Variants in CCNT2 observed in about 807,000 individuals in gnomAD.
CCNT2 encodes the protein cyclin-T2.
Under a neutral mutation model 70.0 loss-of-function variants are expected in CCNT2, and 18 were observed. The ratio of observed to expected loss-of-function variants is 0.26; its 90% CI spans 0.18 to 0.38. The LOEUF (loss-of-function observed/expected upper bound fraction) is 0.38, where lower values mean the gene tolerates loss of function less well. Among genes scored for constraint, CCNT2 ranks in the 10% least tolerant of loss-of-function variants. CCNT2 has a pLI of 1.00. For missense variants in CCNT2, 734 were observed against 890.2 expected (o/e 0.82, Z 2.23); for synonymous variants, 334 against 313.3 (o/e 1.07, Z -0.70).
intron 2 of CCNT2, among the ~76,000 whole-genome samples, chr2:134,933,677 T>C (rs1680945732): frequency 6.6e-6 from 1 of 152,214 alleles, no homozygotes; most frequent in South Asian, 2.1e-4. Context: ...TAAGTTTACC[T>C]GTGAAAGGAA....
chr2:134,938,750 A>G (rs143404782), intron 3 of CCNT2, among the ~76,000 whole-genome samples: 4 of 152,152 alleles, frequency 2.6e-5, no homozygotes, highest in South Asian at 2.1e-4. Context: ...CCTTATTTCA[A>G]TTAACTTACC....
chr2:134,935,920 T>G (rs1217512616), intron 2 of CCNT2, among the ~76,000 whole-genome samples: 3 of 152,150 alleles, frequency 2.0e-5, no homozygotes, highest in Non-Finnish European at 4.4e-5. Flanking sequence ...ATTGCTATAG[T>G]TAAGTAATAG....
intron 2 of CCNT2, among the ~76,000 whole-genome samples, chr2:134,925,125 TTG>T: frequency 6.6e-6 from 1 of 152,206 alleles, no homozygotes; most frequent in East Asian, 1.9e-4. Flanking sequence ...TAAAGTCTGG[TTG>T]TCTCTCTTTG....
rs77878361 is a variant in CCNT2, at chr2:134,922,925, C to G, written c.240+3034C>G. Among the ~76,000 whole-genome samples, 383 of 152,248 alleles carry G rather than the reference C, an allele frequency of 2.5e-3. 1 individual carries two copies. The highest frequency in any genetic ancestry group is 8.7e-3 in the African/African-American group (362 of 41,540). ...ATTTGATCTTTTCCATCTTCTCTTA[C>G]TTCCATTGCCTCTTTCTTGAGCTCT... On this transcript the variant is annotated intron_variant, in intron 2 of 8. Coordinates refer to ENST00000264157, the MANE Select transcript of CCNT2 (RefSeq NM_058241.3).
At chr2:134,929,295 T>C (rs1274746102) in intron 2 of CCNT2, among the ~76,000 whole-genome samples, 1 of 152,094 alleles carries the variant, frequency 6.6e-6, no homozygotes, top group Non-Finnish European at 1.5e-5. Context: ...CTTTTGTTAG[T>C]GCATGCACAC....
intron 2 of CCNT2, among the ~76,000 whole-genome samples, chr2:134,933,818 AG>A (rs1397285392): frequency 6.6e-6 from 1 of 152,252 alleles, no homozygotes; most frequent in Non-Finnish European, 1.5e-5. Context: ...TCATATTACT[AG>A]GGAGCACTAT....
rs376220071 is a variant in CCNT2 at position 134,954,291 on chromosome 2, T to C, written c.1836T>C (p.Ser612=). Residue 612 remains serine (S), a synonymous_variant, in exon 9 of 9, where the codon TCT becomes TCC. Coordinates refer to ENST00000264157, the MANE Select transcript of CCNT2 (RefSeq NM_058241.3). ...PVGLSSDGIS[S]SSSSSRKRLH... is the part of the protein sequence containing the mutation. ...GCCTGAGCAGTGATGGCATTTCCTCTAGCTCCAGCTCTTCAAGGAAGAGGC... is the reference window on the plus strand; with the variant it reads ...GCCTGAGCAGTGATGGCATTTCCTCCAGCTCCAGCTCTTCAAGGAAGAGGC... 2 of 1,614,110 alleles carry C rather than the reference T, an allele frequency of 1.2e-6. No homozygotes were observed. Among genetic ancestry groups the C allele is most frequent in the East Asian group, 2.2e-5 (1 of 44,884 alleles).
chr2:134,953,669 C>T lies in CCNT2; in HGVS notation c.1214C>T (p.Ser405Phe). The T allele has an allele frequency of 6.2e-7, 1 of 1,613,980 alleles. No individual in the cohort carries two copies. The highest frequency in any genetic ancestry group is 2.2e-5 in the East Asian group (1 of 44,886). Reference protein sequence around the residue: ...HRPDKISDHSSVKQEYTHKAG... With the variant: ...HRPDKISDHSFVKQEYTHKAG... ...CCTGACAAAATTTCAGATCATTCTT[C>T]TGTTAAGCAAGAATATACTCATAAA... The change falls in exon 9 of 9, where the codon TCT becomes TTT. Residue 405 changes from serine to phenylalanine, a missense_variant. Physicochemically the swap from Ser to Phe is radical, Grantham distance 155. Coordinates refer to ENST00000264157, the MANE Select transcript of CCNT2 (RefSeq NM_058241.3).
Position 134,956,481 on chromosome 2 carries a change from A to C in CCNT2, c.*1833A>C, listed in dbSNP as rs1425059222. ...CTGTATGGCATAATATTGTATCCAT[A>C]AACATGGTAATTTTGATACAGTTAT... On this transcript the variant is annotated 3_prime_UTR_variant, in exon 9 of 9. Coordinates refer to ENST00000264157, the MANE Select transcript of CCNT2 (RefSeq NM_058241.3). 6.6e-6 allele frequency: 1 copy of C among 152,402 alleles called. No homozygotes were observed. Among genetic ancestry groups the C allele is most frequent in the Non-Finnish European group, 1.5e-5 (1 of 68,002 alleles). 9.4% of individuals were successfully genotyped at this position (152,402 alleles called of 1,614,324 possible). A position where few individuals can be genotyped will look rare whatever the true frequency, so the allele number is the denominator to read the frequency against.
intron 4 of CCNT2, 45 bp downstream of exon 4, chr2:134,939,107 A>G (rs1184409111): frequency 1.7e-6 from 2 of 1,176,648 alleles, no homozygotes; most frequent in Non-Finnish European, 2.5e-6. Context: ...GTATTTCACT[A>G]AAGCATTCTA....
Position 134,953,689 on chromosome 2 carries a change from C to G in CCNT2, c.1234C>G (p.His412Asp), listed in dbSNP as rs1682703417. The G allele has an allele frequency of 1.9e-6, 3 of 1,613,700 alleles. No individual in the cohort carries two copies. The highest frequency in any genetic ancestry group is 3.3e-5 in the Admixed American group (2 of 60,018). Residue 412 changes from histidine (H) to aspartate (D), a missense_variant, in exon 9 of 9, where the codon CAT becomes GAT. By Grantham distance (81) the His-to-Asp change is moderately conservative. Transcript: ENST00000264157. ...TTCTTCTGTTAAGCAAGAATATACT[C>G]ATAAAGCAGGGAGCAGTAAACACCA... is the stretch of plus-strand genomic sequence containing the variant. ...DHSSVKQEYT[H>D]KAGSSKHHGP...
chr2:134,942,779 A>G, intron 5 of CCNT2, 105 bp downstream of exon 5: 1 of 1,402,980 alleles, frequency 7.1e-7, no homozygotes, highest in Non-Finnish European at 9.5e-7. Flanking sequence ...GGTTTCATTA[A>G]AATTAGGGAG....
intron 3 of CCNT2, among the ~76,000 whole-genome samples, 155 bp downstream of exon 3, chr2:134,937,124 AG>A: frequency 6.6e-6 from 1 of 152,256 alleles, no homozygotes; most frequent in Non-Finnish European, 1.5e-5. Context: ...GCAGTCTGGC[AG>A]AAAAACATAT....
chr2:134,939,146 GTAT>G, intron 4 of CCNT2, 84 bp downstream of exon 4: 1 of 970,968 alleles, frequency 1.0e-6, no homozygotes, highest in Non-Finnish European at 1.6e-6. Context: ...TGAAATAATT[GTAT>G]TATTGAAGAA....
At chr2:134,924,368 A>G (rs982701745) in intron 2 of CCNT2, among the ~76,000 whole-genome samples, 2 of 152,224 alleles carry the variant, frequency 1.3e-5, no homozygotes, top group Non-Finnish European at 2.9e-5. Context: ...CCAAGTCAAG[A>G]AATAGAACTT....
intron 2 of CCNT2, among the ~76,000 whole-genome samples, chr2:134,932,247 C>A (rs1049285089): frequency 6.6e-6 from 1 of 152,086 alleles, no homozygotes; most frequent in Non-Finnish European, 1.5e-5. Flanking sequence ...GTGATCCGCC[C>A]GTCTTGGCAT....
chr2:134,923,292 A>T (rs1680050753), intron 2 of CCNT2, among the ~76,000 whole-genome samples: 1 of 152,102 alleles, frequency 6.6e-6, no homozygotes, highest in South Asian at 2.1e-4. Flanking sequence ...AAAAACAATA[A>T]TAATAATAAT....
In CCNT2 at chr2:134,919,028, C is replaced by T. The variant is rs752483521; in HGVS notation, c.158+16C>T. ...GTCTCAATGTGTATCCTTTTCTGTT[C>T]GCCGCCGCTCACGCCCTGTTTCCCT... On this transcript the variant is annotated intron_variant, in intron 1 of 8. Transcript: ENST00000264157. 5.7e-6 allele frequency: 9 copies of T among 1,584,704 alleles called. No homozygotes were observed. In the Admixed American group the frequency reaches 8.6e-5, roughly 15 times the overall value.
At chr2:134,939,407 C>T (rs184466848) in intron 4 of CCNT2, among the ~76,000 whole-genome samples, 187 of 152,182 alleles carry the variant, frequency 1.2e-3, no homozygotes, top group African/African-American at 4.4e-3. Flanking sequence ...AATCCTTATT[C>T]TCCTCGAGCT....
Sources: allele counts gnomAD v4.1 joint callset (sites outside exome capture counted in the v4.1 genomes callset), GRCh38; gene constraint gnomAD v4.1.1; transcripts MANE v1.5; gene names NCBI Gene and HGNC (gene_info 2026-07-23, HGNC 2026-07-21).